CSMD3: variants seen among roughly 807,000 people sequenced by gnomAD.
CSMD3 encodes the protein CUB and sushi domain-containing protein 3.
CSMD3 carries 177 observed loss-of-function variants against 435.2 expected under a neutral mutation model. The observed-to-expected ratio is 0.41, with a 90% CI of 0.36 to 0.46. The LOEUF (loss-of-function observed/expected upper bound fraction) is 0.46, where lower values mean the gene tolerates loss of function less well. Ranked by LOEUF, CSMD3 falls within the 20% of genes least tolerant of loss-of-function variation. The pLI, the probability that CSMD3 is intolerant of heterozygous loss-of-function variation, is 0.34. For synonymous variants in CSMD3, 1,656 were observed against 1,520.5 expected (o/e 1.09, Z -2.07); for missense variants, 4,265 against 4,504.6 (o/e 0.95, Z 1.52).
At chr8:112,805,552 G>A (rs927474184) in intron 12 of CSMD3, among the ~76,000 whole-genome samples, 1 of 152,176 alleles carries the variant, frequency 6.6e-6, no homozygotes, top group Non-Finnish European at 1.5e-5. Context: ...AGAAAGGAAA[G>A]AAGGTAAATG....
intron 66 of CSMD3, 78 bp downstream of exon 66, chr8:112,241,642 A>T: frequency 1.1e-5 from 10 of 914,094 alleles, no homozygotes; most frequent in Non-Finnish European, 1.8e-5. Flanking sequence ...TTTTTTAAAT[A>T]CACAGTTACT....
Position 113,326,421 on chromosome 8 carries a change from TA to T in CSMD3, c.179-11629del, listed in dbSNP as rs144589460. On this transcript the variant is annotated intron_variant, in intron 1 of 70. Coordinates refer to ENST00000297405, the MANE Select transcript of CSMD3 (RefSeq NM_198123.2). ...AATAATAATAACATAGTTTTTTTTT[TA>T]AATCAGGGTAACTGATTTGTCTACA... Among the ~76,000 whole-genome samples the T allele has an allele frequency of 3.4e-3, 521 of 151,756 alleles. 3 individuals carry two copies. The highest frequency in any genetic ancestry group is 7.1e-3 in the South Asian group (34 of 4,788).
Position 112,383,683 on chromosome 8 carries a change from G to A in CSMD3, c.5935-20C>T, listed in dbSNP as rs375660185. ...TTGCACCTGTGAAATAATAATTACA[G>A]GTAAGAATACACATTTCTAACCAGA... is the stretch of plus-strand genomic sequence containing the variant. On this transcript the variant is annotated intron_variant, in intron 36 of 70. Transcript: ENST00000297405. The A allele has an allele frequency of 7.1e-7, 1 of 1,409,578 alleles. No individual in the cohort carries two copies. Among genetic ancestry groups the A allele is most frequent in the Non-Finnish European group, 1.0e-6 (1 of 993,888 alleles). 87.3% of individuals were successfully genotyped at this position (1,409,578 alleles called of 1,614,324 possible).
intron 24 of CSMD3, among the ~76,000 whole-genome samples, chr8:112,561,808 T>C (rs1563705540): frequency 6.6e-6 from 1 of 151,642 alleles, no homozygotes; most frequent in Non-Finnish European, 1.5e-5. Flanking sequence ...TATATAATGG[T>C]TTTAAAAATT....
chr8:112,730,351 A>G (rs1449939694), intron 13 of CSMD3, among the ~76,000 whole-genome samples: 2 of 152,130 alleles, frequency 1.3e-5, no homozygotes, highest in Admixed American at 6.6e-5. Context: ...CACAAGAAAT[A>G]GAATTACTGA....
chr8:112,333,598 A>C (rs1824278240), intron 45 of CSMD3, among the ~76,000 whole-genome samples: 1 of 152,110 alleles, frequency 6.6e-6, no homozygotes, highest in Admixed American at 6.6e-5. Flanking sequence ...ATTTAAATCC[A>C]CACTAAGATT....
chr8:112,408,884 A>C, intron 33 of CSMD3, 35 bp downstream of exon 33: 1 of 1,613,122 alleles, frequency 6.2e-7, no homozygotes, highest in Non-Finnish European at 8.5e-7. Flanking sequence ...GTCTTTAATC[A>C]GTAACTGATG....
At chr8:113,078,471 A>T (rs1205548207) in intron 5 of CSMD3, among the ~76,000 whole-genome samples, 1 of 152,214 alleles carries the variant, frequency 6.6e-6, no homozygotes, top group Non-Finnish European at 1.5e-5. Context: ...ATACTGTTAC[A>T]TTAAAGGAAA....
chr8:113,321,479 T>C (rs1469886702), intron 1 of CSMD3, among the ~76,000 whole-genome samples: 1 of 152,176 alleles, frequency 6.6e-6, no homozygotes, highest in Non-Finnish European at 1.5e-5. Context: ...TTACTAGATA[T>C]TAAGGTAAAG....
intron 27 of CSMD3, among the ~76,000 whole-genome samples, chr8:112,531,040 G>A (rs1223056770): frequency 2.0e-5 from 3 of 152,042 alleles, no homozygotes; most frequent in African/African-American, 4.8e-5. Flanking sequence ...CCACAGAAGT[G>A]CCTATGTCAC....
intron 30 of CSMD3, among the ~76,000 whole-genome samples, chr8:112,495,167 T>C (rs534226960): frequency 6.6e-6 from 1 of 152,310 alleles, no homozygotes; most frequent in African/African-American, 2.4e-5. Context: ...ACATTGTACC[T>C]TCCCTTAAAC....
intron 13 of CSMD3, among the ~76,000 whole-genome samples, chr8:112,710,401 G>A (rs1203613453): frequency 2.0e-5 from 3 of 151,998 alleles, no homozygotes; most frequent in Non-Finnish European, 4.4e-5. Flanking sequence ...TGCACATCTT[G>A]TTCTCATTTC....
At chr8:112,674,967 C>T (rs968201319) in intron 16 of CSMD3, among the ~76,000 whole-genome samples, 3 of 152,098 alleles carry the variant, frequency 2.0e-5, no homozygotes, top group African/African-American at 7.2e-5. Context: ...ACATATAGAT[C>T]TCCCTAGCTT....
At chr8:113,140,584 C>T (rs952938380) in intron 4 of CSMD3, among the ~76,000 whole-genome samples, 1 of 150,986 alleles carries the variant, frequency 6.6e-6, no homozygotes, top group South Asian at 2.1e-4. Flanking sequence ...AATAATCAAA[C>T]CGGATATCTA....
intron 4 of CSMD3, among the ~76,000 whole-genome samples, chr8:113,162,964 G>A (rs576646596): frequency 6.6e-6 from 1 of 152,146 alleles, no homozygotes; most frequent in East Asian, 1.9e-4. Context: ...CTTAGAAGAT[G>A]GAGTTTTACT....
At chr8:112,584,391 T>A (rs952446754) in intron 23 of CSMD3, among the ~76,000 whole-genome samples, 15 of 151,782 alleles carry the variant, frequency 9.9e-5, no homozygotes, top group African/African-American at 3.6e-4. Flanking sequence ...TGGTGTAAAC[T>A]CTACTGGTAT....
At position 113,337,545 on chromosome 8, in the gene CSMD3, T is replaced by A. The variant is rs147493673; in HGVS notation, c.179-22752A>T. On this transcript the variant is annotated intron_variant, in intron 1 of 70. Transcript: ENST00000297405. ...ATTATTAAAATCTTAGAAAAATACATAGAAGTAAAACTTTATGTCTTTGGT... is the reference window on the plus strand; with the variant it reads ...ATTATTAAAATCTTAGAAAAATACAAAGAAGTAAAACTTTATGTCTTTGGT... Among the ~76,000 whole-genome samples, 7 of 152,132 alleles carry A rather than the reference T, an allele frequency of 4.6e-5. No individual in the cohort carries two copies. The East Asian group carries it at 1.4e-3, about 29-fold the overall frequency.
At chr8:112,953,261 C>A (rs2083892426) in intron 8 of CSMD3, among the ~76,000 whole-genome samples, 1 of 151,140 alleles carries the variant, frequency 6.6e-6, no homozygotes, top group African/African-American at 2.4e-5. Flanking sequence ...TTCATGATGA[C>A]CTGAAGAAAT....
intron 3 of CSMD3, among the ~76,000 whole-genome samples, chr8:113,238,669 T>C (rs369037783): frequency 6.6e-6 from 1 of 152,290 alleles, no homozygotes; most frequent in East Asian, 1.9e-4. Context: ...ATTTTGCGTC[T>C]TTTTGCTAGA....
Sources: gnomAD v4.1 joint callset for allele counts (sites outside exome capture counted in the v4.1 genomes callset) on GRCh38, gnomAD v4.1.1 for gene constraint, MANE v1.5 for transcripts, NCBI Gene and HGNC (gene_info 2026-07-23, HGNC 2026-07-21) for gene names.